Variants in WWP2 observed in about 807,000 individuals in gnomAD.
The protein encoded by WWP2 is NEDD4-like E3 ubiquitin-protein ligase WWP2.
Under a neutral mutation model 121.0 loss-of-function variants are expected in WWP2, and 57 were observed. The ratio of observed to expected loss-of-function variants is 0.47; its 90% CI spans 0.38 to 0.59. The LOEUF (loss-of-function observed/expected upper bound fraction) is 0.59, where lower values mean the gene tolerates loss of function less well. WWP2 is among the 20% of genes least tolerant of loss of function. The pLI, the probability that WWP2 is intolerant of heterozygous loss-of-function variation, is 0.00. For missense variants in WWP2, 962 were observed against 1,158.9 expected (o/e 0.83, Z 2.47); for synonymous variants, 449 against 441.3 (o/e 1.02, Z -0.22).
At chr16:69,861,548 A>G (rs1451889322) in intron 6 of WWP2, among the ~76,000 whole-genome samples, 1 of 152,068 alleles carries the variant, frequency 6.6e-6, no homozygotes, top group Non-Finnish European at 1.5e-5. Flanking sequence ...TAGGGTGTGG[A>G]ATGGAGCCGT....
intron 8 of WWP2, among the ~76,000 whole-genome samples, chr16:69,896,189 A>G (rs1002212766): frequency 6.6e-6 from 1 of 152,118 alleles, no homozygotes; most frequent in Non-Finnish European, 1.5e-5. Context: ...TGGCGTGATC[A>G]TAGCTCACTG....
At chr16:69,921,576 C>A (rs574945229) in intron 10 of WWP2, among the ~76,000 whole-genome samples, 1 of 152,326 alleles carries the variant, frequency 6.6e-6, no homozygotes, top group East Asian at 1.9e-4. Context: ...CCTTTCCCAA[C>A]TCCTAGTGTG....
chr16:69,910,378 G>A, intron 9 of WWP2: 3 of 981,956 alleles, frequency 3.1e-6, no homozygotes, highest in Non-Finnish European at 3.6e-6. Context: ...TTTATAACAT[G>A]TGCACTTTAA....
At chr16:69,910,247 A>G (rs542711259) in intron 9 of WWP2, 2 of 398,300 alleles carry the variant, frequency 5.0e-6, no homozygotes, top group East Asian at 1.6e-4. Flanking sequence ...AAACTCTAAT[A>G]TCATTAACAG....
At position 69,939,968 on chromosome 16, in the gene WWP2, G is replaced by A; in HGVS notation, c.*28G>A. 1 of 1,591,416 alleles carries A rather than the reference G, an allele frequency of 6.3e-7. No individual in the cohort carries two copies. The highest frequency in any genetic ancestry group is 8.6e-7 in the Non-Finnish European group (1 of 1,164,372). ...GAGGCCGCCCCTCCCACGCCCCCCAGCGCACATGTAGTCCTGAGTCCTCCC... is the reference window on the plus strand; with the variant it reads ...GAGGCCGCCCCTCCCACGCCCCCCAACGCACATGTAGTCCTGAGTCCTCCC... On this transcript the variant is annotated 3_prime_UTR_variant, in exon 24 of 24. Transcript: ENST00000359154.
intron 10 of WWP2, among the ~76,000 whole-genome samples, chr16:69,922,165 A>G (rs2058573467): frequency 6.6e-6 from 1 of 151,780 alleles, no homozygotes; most frequent in Admixed American, 6.6e-5. Context: ...GAAACAGACA[A>G]CTTGTTTCTT....
chr16:69,913,669 C>T (rs1379267171), intron 9 of WWP2, among the ~76,000 whole-genome samples: 1 of 152,022 alleles, frequency 6.6e-6, no homozygotes, highest in African/African-American at 2.4e-5. Context: ...ATAATGGCAT[C>T]TGTGCAACAA....
Position 69,821,073 on chromosome 16 carries a change from C to T in WWP2, c.341-19053C>T, listed in dbSNP as rs142897655. 4.6e-5 allele frequency among the ~76,000 whole-genome samples: 7 copies of T among 152,348 alleles called. No individual in the cohort carries two copies. In the East Asian group the frequency reaches 7.7e-4, roughly 17 times the overall value. On this transcript the variant is annotated intron_variant, in intron 4 of 23. Transcript: ENST00000359154. ...TTTTGCCCTGATCGAGTTGCAGTTA[C>T]ATCAGCGACTACTGTTTTTTTGATT... is the stretch of plus-strand genomic sequence containing the variant.
intron 4 of WWP2, among the ~76,000 whole-genome samples, chr16:69,811,249 C>T (rs561070112): frequency 2.0e-5 from 3 of 152,232 alleles, no homozygotes; most frequent in East Asian, 3.9e-4. Context: ...CCCAGAATCT[C>T]CTACTTTCAA....
chr16:69,897,872 C>CA, intron 8 of WWP2, among the ~76,000 whole-genome samples: 2 of 152,040 alleles, frequency 1.3e-5, no homozygotes, highest in East Asian at 3.9e-4. Context: ...CGTACCACTG[C>CA]ACTCTAGCCT....
chr16:69,803,740 T>C (rs900844947), intron 4 of WWP2, among the ~76,000 whole-genome samples: 1 of 152,140 alleles, frequency 6.6e-6, no homozygotes, highest in Admixed American at 6.5e-5. Context: ...AGACCCTGTC[T>C]CTACTAAAAA....
At chr16:69,777,123 A>G (rs911119974) in intron 1 of WWP2, among the ~76,000 whole-genome samples, 2 of 151,096 alleles carry the variant, frequency 1.3e-5, no homozygotes, top group Non-Finnish European at 2.9e-5. Context: ...TATACAATAC[A>G]CATATGGATA....
At chr16:69,928,869 G>C (rs949253651) in intron 11 of WWP2, among the ~76,000 whole-genome samples, 1 of 152,218 alleles carries the variant, frequency 6.6e-6, no homozygotes, top group Non-Finnish European at 1.5e-5. Context: ...GAGAGTTTTA[G>C]AACAAGACTT....
rs989093429 is a variant in WWP2 at position 69,893,413 on chromosome 16, T to C, written c.914+5164T>C. ...CCTAGATGAATGTTTTTTGCCTCTT[T>C]GATGCCTCAAAGAAAGAACAGCTAT... On this transcript the variant is annotated intron_variant, in intron 8 of 23. Transcript: ENST00000359154. Among the ~76,000 whole-genome samples, 65 of 152,306 alleles carry C rather than the reference T, an allele frequency of 4.3e-4. 1 individual carries two copies. Among genetic ancestry groups the C allele is most frequent in the African/African-American group, 1.5e-3 (61 of 41,558 alleles).
At chr16:69,877,889 C>T (rs185763776) in intron 7 of WWP2, among the ~76,000 whole-genome samples, 1 of 152,248 alleles carries the variant, frequency 6.6e-6, no homozygotes, top group East Asian at 1.9e-4. Context: ...CTCACTGCAA[C>T]CTCCGCCTCC....
At chr16:69,899,598 T>C (rs929200320) in intron 8 of WWP2, among the ~76,000 whole-genome samples, 7 of 151,874 alleles carry the variant, frequency 4.6e-5, no homozygotes, top group Non-Finnish European at 2.9e-5. Context: ...GGTGTATTGG[T>C]GCATGCCTGT....
At chr16:69,837,550 GC>G (rs1296568818) in intron 4 of WWP2, among the ~76,000 whole-genome samples, 1 of 152,134 alleles carries the variant, frequency 6.6e-6, no homozygotes, top group East Asian at 1.9e-4. Flanking sequence ...TCTGTCCAAG[GC>G]CCATGGCAGT....
chr16:69,939,848 C>T lies in WWP2; in HGVS notation c.2521C>T (p.Arg841Cys), dbSNP rs751355850. ...CTTCCCCACTCTCAATAGCTTCAAC[C>T]GTCTGGATCTTCCACCCTACAAGAG... ...WLPRSHTCFN[R>C]LDLPPYKSYE... Residue 841 changes from arginine to cysteine, a missense_variant, in exon 24 of 24, where the codon CGT becomes TGT. Coordinates refer to ENST00000359154, the MANE Select transcript of WWP2 (RefSeq NM_001270454.2). The T allele has an allele frequency of 1.9e-6, 3 of 1,613,670 alleles. No individual in the cohort carries two copies. Among genetic ancestry groups the T allele is most frequent in the Non-Finnish European group, 2.5e-6 (3 of 1,179,822 alleles).
chr16:69,783,150 C>G (rs1055368789), intron 1 of WWP2: 1 of 151,890 alleles, frequency 6.6e-6, no homozygotes, highest in Non-Finnish European at 1.5e-5. Context: ...CCTGGGATTA[C>G]AGGTGCGTGC....
Sources: allele counts gnomAD v4.1 joint callset (sites outside exome capture counted in the v4.1 genomes callset), GRCh38; gene constraint gnomAD v4.1.1; transcripts MANE v1.5; gene names NCBI Gene and HGNC (gene_info 2026-07-23, HGNC 2026-07-21).